CDK15: variants seen among roughly 807,000 people sequenced by gnomAD.
The protein encoded by CDK15 is cyclin dependent kinase 15.
Under a neutral mutation model 60.3 loss-of-function variants are expected in CDK15, and 62 were observed. The observed-to-expected ratio is 1.03, with a 90% CI of 0.84 to 1.27. CDK15 has a LOEUF of 1.27. CDK15 is among the 50% of genes most tolerant of loss of function. The pLI, the probability that CDK15 is intolerant of heterozygous loss-of-function variation, is 0.00. For synonymous variants in CDK15, 194 were observed against 195.7 expected, an observed-to-expected ratio of 0.99 and a Z score of 0.07; for missense variants, 541 against 527.8, an observed-to-expected ratio of 1.03 and a Z score of -0.25.
chr2:201,812,136 T>G (rs1303662916), intron 3 of CDK15, among the ~76,000 whole-genome samples: 1 of 143,918 alleles, frequency 6.9e-6, no homozygotes, highest in Non-Finnish European at 1.5e-5. Flanking sequence ...ATCGTGCCAC[T>G]GTACTCCAGC....
At chr2:201,857,337 A>T (rs1698188674) in intron 10 of CDK15, among the ~76,000 whole-genome samples, 1 of 151,884 alleles carries the variant, frequency 6.6e-6, no homozygotes, top group Admixed American at 6.6e-5. Context: ...TTTTCTATAT[A>T]AGAAGAAAAG....
intron 10 of CDK15, among the ~76,000 whole-genome samples, chr2:201,858,009 G>A (rs1265616102): frequency 6.6e-6 from 1 of 152,072 alleles, no homozygotes; most frequent in Non-Finnish European, 1.5e-5. Context: ...GTAGTCCTAG[G>A]AGCCCCCAAA....
intron 12 of CDK15, among the ~76,000 whole-genome samples, chr2:201,884,455 C>G (rs945693140): frequency 5.9e-5 from 9 of 152,170 alleles, no homozygotes; most frequent in Non-Finnish European, 1.2e-4. Flanking sequence ...ATCACACCAT[C>G]CCGATATCTA....
At chr2:201,833,696 A>G in intron 6 of CDK15, 152 bp from the exon 7 acceptor site, 1 of 721,554 alleles carries the variant, frequency 1.4e-6, no homozygotes, top group East Asian at 3.8e-5. Flanking sequence ...TCTGAATGTA[A>G]AAATCTTCTT....
In CDK15 at chr2:201,833,176, A is replaced by C. The variant is rs541680041; in HGVS notation, c.607-672A>C. Among the ~76,000 whole-genome samples the C allele has an allele frequency of 3.8e-5, 5 of 133,174 alleles. No individual in the cohort carries two copies. In the South Asian group the frequency reaches 7.7e-4, roughly 20 times the overall value. 87.4% of individuals were successfully genotyped at this position (133,174 alleles called of 152,430 possible). A position where few individuals can be genotyped will look rare whatever the true frequency, so the allele number is the denominator to read the frequency against. On this transcript the variant is annotated intron_variant, in intron 6 of 13. Coordinates refer to ENST00000652192, the MANE Select transcript of CDK15 (RefSeq NM_001366386.2). ...TTACCCTTTCTCCCTTCTTCCTCCT[A>C]CAATTTGTTCCTTATTCTTTTTTGA...
chr2:201,821,430 C>T (rs1009374164), intron 4 of CDK15, among the ~76,000 whole-genome samples: 13 of 151,896 alleles, frequency 8.6e-5, no homozygotes, highest in Non-Finnish European at 1.9e-4. Context: ...GAGGGCAAAA[C>T]GACAGATTCA....
intron 13 of CDK15, among the ~76,000 whole-genome samples, chr2:201,892,630 T>C (rs934589040): frequency 8.5e-5 from 13 of 152,144 alleles, no homozygotes; most frequent in African/African-American, 2.7e-4. Flanking sequence ...TTGGTACGAA[T>C]GTAAGGAGAT....
chr2:201,829,076 T>C (rs190002781), intron 6 of CDK15, among the ~76,000 whole-genome samples: 4 of 152,344 alleles, frequency 2.6e-5, no homozygotes, highest in African/African-American at 7.2e-5. Context: ...TGCTATTTTA[T>C]ATCAGGCGCC....
chr2:201,880,077 G>A lies in CDK15; in HGVS notation c.1108G>A (p.Gly370Ser), dbSNP rs1699219357. The stretch of plus-strand genomic sequence containing the variant: ...AGACCTGGCCTCCCAGATGCTAAAA[G>A]GCTTTCCCAGAGACCGCGTCTCCGC... ...AEDLASQMLK[G>S]FPRDRVSAQE... The change falls in exon 12 of 14, where the codon GGC becomes AGC. Residue 370 changes from glycine to serine, a missense_variant. Gly to Ser is a moderately conservative substitution (Grantham distance 56, BLOSUM62 0). Transcript: ENST00000652192. The A allele has an allele frequency of 1.2e-6, 2 of 1,614,106 alleles. No homozygotes were observed. The highest frequency in any genetic ancestry group is 1.7e-6 in the Non-Finnish European group (2 of 1,180,002).
chr2:201,874,990 G>T (rs1331087594), intron 11 of CDK15, among the ~76,000 whole-genome samples: 1 of 152,102 alleles, frequency 6.6e-6, no homozygotes, highest in African/African-American at 2.4e-5. Context: ...GTGGGTGGGA[G>T]ACTTTTATAC....
At chr2:201,812,783 C>T (rs965130169) in intron 4 of CDK15, among the ~76,000 whole-genome samples, 1 of 152,206 alleles carries the variant, frequency 6.6e-6, no homozygotes, top group African/African-American at 2.4e-5. Flanking sequence ...TTGACCAAAA[C>T]TATAAATTCA....
At chr2:201,871,163 T>A (rs1241823358) in intron 10 of CDK15, among the ~76,000 whole-genome samples, 4 of 152,112 alleles carry the variant, frequency 2.6e-5, no homozygotes, top group Non-Finnish European at 5.9e-5. Context: ...TTTATTTTTA[T>A]TTATTTATTT....
At chr2:201,838,594 A>G (rs1559128103) in intron 8 of CDK15, among the ~76,000 whole-genome samples, 2 of 151,698 alleles carry the variant, frequency 1.3e-5, no homozygotes, top group Non-Finnish European at 2.9e-5. Flanking sequence ...AAGTGTAGAG[A>G]CAGAGTCTCA....
chr2:201,817,532 C>T (rs976224011), intron 4 of CDK15, among the ~76,000 whole-genome samples: 4 of 152,128 alleles, frequency 2.6e-5, no homozygotes, highest in African/African-American at 9.7e-5. Flanking sequence ...AAATTAGAAA[C>T]AGTCTCAGCT....
chr2:201,824,617 C>A, intron 6 of CDK15: 2 of 325,868 alleles, frequency 6.1e-6, no homozygotes, highest in Non-Finnish European at 1.2e-5. Context: ...ACCTAAATAC[C>A]CAGAAGAACT....
At chr2:201,833,813 CA>C in intron 6 of CDK15, 34 bp from the exon 7 acceptor site, 1 of 1,595,224 alleles carries the variant, frequency 6.3e-7, no homozygotes, top group Non-Finnish European at 8.6e-7. Flanking sequence ...CGTGGTGGCT[CA>C]AATCTCCTTA....
chr2:201,852,872 T>G (rs1261371759), intron 9 of CDK15, among the ~76,000 whole-genome samples: 1 of 152,230 alleles, frequency 6.6e-6, no homozygotes, highest in African/African-American at 2.4e-5. Context: ...GAACATAAGA[T>G]TAAAAAAACT....
chr2:201,836,076 A>ATATATATATTTATATATAT (rs1697041894), intron 8 of CDK15, among the ~76,000 whole-genome samples: 1 of 113,036 alleles, frequency 8.8e-6, no homozygotes, highest in African/African-American at 3.6e-5. Flanking sequence ...ATTTATATTT[A>ATATATATATTTATATATAT]TATATATTTA....
At chr2:201,849,821 T>C (rs949842901) in intron 9 of CDK15, among the ~76,000 whole-genome samples, 1 of 152,196 alleles carries the variant, frequency 6.6e-6, no homozygotes, top group East Asian at 1.9e-4. Flanking sequence ...TAAACTGATT[T>C]TTTTTCTTTT....
Sources: gnomAD v4.1 joint callset for allele counts (sites outside exome capture counted in the v4.1 genomes callset) on GRCh38, gnomAD v4.1.1 for gene constraint, MANE v1.5 for transcripts, NCBI Gene and HGNC (gene_info 2026-07-23, HGNC 2026-07-21) for gene names.